The following CAST variants were observed in gnomAD, a reference collection of about 807,000 sequenced individuals.
CAST encodes calpastatin.
CAST carries 76 observed loss-of-function variants against 119.6 expected under a neutral mutation model. That is an observed-to-expected ratio of 0.64 (90% CI 0.53 to 0.77). CAST has a LOEUF of 0.77. Among genes scored for constraint, CAST ranks in the 30% least tolerant of loss-of-function variants. CAST has a pLI of 0.00. For missense variants in CAST, 953 were observed against 946.5 expected (o/e 1.01, Z -0.09); for synonymous variants, 319 against 331.6 (o/e 0.96, Z 0.41).
the CAST span, among the ~76,000 whole-genome samples, chr5:96,128,804 T>C: frequency 1.2e-3 from 187 of 152,054 alleles, no homozygotes; most frequent in Middle Eastern, 6.8e-3. Flanking sequence ...TTTAAATGGA[T>C]CCCCCAAAAA....
At chr5:96,675,468 C>T in intron 1 of CAST, 71 bp from the exon 2 acceptor site, 1 of 1,090,396 alleles carries the variant, frequency 9.2e-7, no homozygotes, top group East Asian at 2.4e-5. Flanking sequence ...TGCATTTAGC[C>T]TTTGGGGATT....
chr5:96,614,027 T>C (rs1747410229), intron 1 of CAST, among the ~76,000 whole-genome samples: 1 of 152,190 alleles, frequency 6.6e-6, no homozygotes, highest in Non-Finnish European at 1.5e-5. Context: ...TATTTTGTAA[T>C]GAAGGAATCT....
At chr5:96,031,269 C>G in the CAST span, among the ~76,000 whole-genome samples, 1 of 149,076 alleles carries the variant, frequency 6.7e-6, no homozygotes, top group Non-Finnish European at 1.5e-5. Flanking sequence ...GTCTATCTAC[C>G]TTGGATAGAG....
chr5:96,342,827 G>A, the CAST span, among the ~76,000 whole-genome samples: 7 of 152,094 alleles, frequency 4.6e-5, no homozygotes, highest in Non-Finnish European at 8.8e-5. Flanking sequence ...CTGAGCCTAC[G>A]GGAATCCTGT....
chr5:96,003,427 A>T, the CAST span, among the ~76,000 whole-genome samples: 197 of 151,516 alleles, frequency 1.3e-3, 1 homozygote, highest in Non-Finnish European at 2.1e-3. Flanking sequence ...AGTCCCAGCT[A>T]CTTGGGAGAC....
At chr5:96,040,166 C>A in the CAST span, among the ~76,000 whole-genome samples, 8 of 152,102 alleles carry the variant, frequency 5.3e-5, no homozygotes, top group African/African-American at 1.7e-4. Flanking sequence ...TGATTTGGCT[C>A]TCTGTTTGTC....
chr5:96,483,777 T>C, the CAST span, among the ~76,000 whole-genome samples: 1 of 152,306 alleles, frequency 6.6e-6, no homozygotes, highest in Admixed American at 6.5e-5. Flanking sequence ...ATTTATAGTT[T>C]ATGAAGAATT....
At chr5:96,618,192 T>A (rs907644631) in intron 1 of CAST, among the ~76,000 whole-genome samples, 1 of 152,198 alleles carries the variant, frequency 6.6e-6, no homozygotes, top group Non-Finnish European at 1.5e-5. Context: ...ATGTTGAGCA[T>A]CTTAGGATAT....
the CAST span, chr5:96,410,765 G>A: frequency 6.2e-7 from 1 of 1,608,148 alleles, no homozygotes; most frequent in Non-Finnish European, 8.5e-7. Flanking sequence ...TTAGACAAAA[G>A]CAACATACGA....
chr5:96,556,438 T>C (rs2570463), intron 1 of CAST, among the ~76,000 whole-genome samples: 10 of 151,856 alleles, frequency 6.6e-5, no homozygotes, highest in Non-Finnish European at 1.3e-4. Flanking sequence ...TGCGAACCCA[T>C]GGCAAAGAAG....
At chr5:96,329,633 G>T in the CAST span, among the ~76,000 whole-genome samples, 2,015 of 152,310 alleles carry the variant, frequency 0.013, 130 homozygotes, top group East Asian at 0.2. Context: ...AACATGAGAA[G>T]TCAGGCTACT....
the CAST span, among the ~76,000 whole-genome samples, chr5:96,396,587 G>A: frequency 6.6e-6 from 1 of 151,184 alleles, no homozygotes; most frequent in Non-Finnish European, 1.5e-5. Flanking sequence ...AGTTATTTAG[G>A]CGTATAATTC....
At chr5:96,337,773 G>A in the CAST span, among the ~76,000 whole-genome samples, 4 of 152,158 alleles carry the variant, frequency 2.6e-5, no homozygotes, top group African/African-American at 4.8e-5. Flanking sequence ...TACAAATCTG[G>A]ACATCTTTGG....
chr5:96,300,413 T>G, the CAST span, among the ~76,000 whole-genome samples: 1 of 152,204 alleles, frequency 6.6e-6, no homozygotes, highest in Non-Finnish European at 1.5e-5. Flanking sequence ...TGACCATAGA[T>G]ATGTGTTCAT....
the CAST span, among the ~76,000 whole-genome samples, chr5:96,015,240 T>C: frequency 3.0e-4 from 45 of 152,310 alleles, no homozygotes; most frequent in African/African-American, 1.1e-3. Context: ...CCTATGTTGA[T>C]GTAGCTTTTA....
intron 1 of CAST, among the ~76,000 whole-genome samples, chr5:96,621,047 C>G (rs749772212): frequency 2.6e-5 from 4 of 152,202 alleles, no homozygotes; most frequent in Non-Finnish European, 4.4e-5. Context: ...CCTACCCCTC[C>G]TTCAACCTCC....
chr5:96,307,493 T>C, the CAST span, among the ~76,000 whole-genome samples: 4 of 152,204 alleles, frequency 2.6e-5, no homozygotes, highest in Non-Finnish European at 4.4e-5. Context: ...ATCCTGTCAT[T>C]ATGATGCTAG....
At chr5:96,485,037 A>G in the CAST span, among the ~76,000 whole-genome samples, 12 of 152,308 alleles carry the variant, frequency 7.9e-5, no homozygotes, top group African/African-American at 2.9e-4. Context: ...ACCACTTCTT[A>G]TATTGTAATC....
At chr5:96,242,133 C>A in the CAST span, among the ~76,000 whole-genome samples, 3 of 147,986 alleles carry the variant, frequency 2.0e-5, no homozygotes, top group African/African-American at 5.0e-5. Context: ...ACATGAAGTC[C>A]TTGCCCATGC....
Sources: gnomAD v4.1 joint callset for allele counts (sites outside exome capture counted in the v4.1 genomes callset) on GRCh38, gnomAD v4.1.1 for gene constraint, MANE v1.5 for transcripts, NCBI Gene and HGNC (gene_info 2026-07-23, HGNC 2026-07-21) for gene names.